The following RAB31 variants were observed in gnomAD, a reference collection of about 807,000 sequenced individuals.
RAB31 encodes ras-related protein Rab-31.
Under a neutral mutation model 25.6 loss-of-function variants are expected in RAB31, and 21 were observed. The ratio of observed to expected loss-of-function variants is 0.82; its 90% CI spans 0.58 to 1.18. RAB31 has a LOEUF of 1.18. Ranked by LOEUF, RAB31 falls within the 50% of genes most tolerant of loss-of-function variation. The pLI is 0.00. For synonymous variants in RAB31, 87 were observed against 84.0 expected (o/e 1.04, Z -0.20); for missense variants, 196 against 250.1 (o/e 0.78, Z 1.46).
intron 1 of RAB31, among the ~76,000 whole-genome samples, chr18:9,736,840 C>T (rs949220199): frequency 6.6e-6 from 1 of 152,136 alleles, no homozygotes; most frequent in African/African-American, 2.4e-5. Flanking sequence ...AAGCACAGTA[C>T]TCTTTTGTGG....
At chr18:9,730,750 G>A (rs912778231) in intron 1 of RAB31, among the ~76,000 whole-genome samples, 1 of 152,222 alleles carries the variant, frequency 6.6e-6, no homozygotes, top group African/African-American at 2.4e-5. Context: ...GGGACATTCT[G>A]TATTGTCAAT....
chr18:9,848,314 A>G (rs8084867), intron 6 of RAB31, among the ~76,000 whole-genome samples: 9,237 of 151,408 alleles, frequency 0.061, 576 homozygotes, highest in African/African-American at 0.16. Context: ...GTGTATATCC[A>G]TCTTTCTAGC....
At chr18:9,724,773 A>G (rs944286761) in intron 1 of RAB31, among the ~76,000 whole-genome samples, 1 of 152,216 alleles carries the variant, frequency 6.6e-6, no homozygotes, top group Non-Finnish European at 1.5e-5. Context: ...ATAGCCCCAT[A>G]ATCCTAAGCA....
intron 3 of RAB31, among the ~76,000 whole-genome samples, chr18:9,797,195 A>G (rs4798860): frequency 1 from 152,258 of 152,348 alleles, 76,084 homozygotes; most frequent in Middle Eastern, 1. Context: ...ATACGTGTGT[A>G]TTACTTGTAG....
At chr18:9,711,649 T>C (rs2068017857) in intron 1 of RAB31, among the ~76,000 whole-genome samples, 1 of 152,244 alleles carries the variant, frequency 6.6e-6, no homozygotes, top group Admixed American at 6.5e-5. Flanking sequence ...GAGGTCTGTC[T>C]TTTCTGGGTG....
intron 6 of RAB31, among the ~76,000 whole-genome samples, chr18:9,847,771 G>A (rs1194049576): frequency 2.6e-5 from 4 of 152,090 alleles, no homozygotes; most frequent in East Asian, 3.9e-4. Context: ...TCAAGGTCTC[G>A]CCATGTTGCC....
intron 3 of RAB31, among the ~76,000 whole-genome samples, chr18:9,803,293 TG>T (rs2068523376): frequency 6.6e-6 from 1 of 150,972 alleles, no homozygotes; most frequent in African/African-American, 2.5e-5. Flanking sequence ...TGGAATGCAG[TG>T]GTGCAATCAT....
chr18:9,833,040 C>T (rs2068686944), intron 5 of RAB31, among the ~76,000 whole-genome samples: 1 of 152,080 alleles, frequency 6.6e-6, no homozygotes, highest in Non-Finnish European at 1.5e-5. Context: ...CCAGAGACTT[C>T]GAAAGGTGCA....
At chr18:9,840,739 G>T (rs2068729290) in intron 5 of RAB31, among the ~76,000 whole-genome samples, 1 of 152,104 alleles carries the variant, frequency 6.6e-6, no homozygotes, top group African/African-American at 2.4e-5. Context: ...TTTCAGACTA[G>T]AGCTGCAAGT....
intron 1 of RAB31, among the ~76,000 whole-genome samples, chr18:9,732,268 C>T (rs561230111): frequency 6.6e-6 from 1 of 152,154 alleles, no homozygotes; most frequent in Non-Finnish European, 1.5e-5. Flanking sequence ...GGGCCGGTCA[C>T]CGGATGAGGC....
At chr18:9,859,135 C>T (rs2068834090) in intron 6 of RAB31, 93 bp from the exon 7 acceptor site, 2 of 448,798 alleles carry the variant, frequency 4.5e-6, no homozygotes, top group Non-Finnish European at 6.5e-6. Flanking sequence ...TGTGCACAGC[C>T]CAAAGCAGGA....
At chr18:9,812,897 A>G (rs2068581527) in intron 3 of RAB31, among the ~76,000 whole-genome samples, 1 of 151,902 alleles carries the variant, frequency 6.6e-6, no homozygotes, top group Admixed American at 6.6e-5. Flanking sequence ...GGGTTTCACC[A>G]TATTGGCCAG....
chr18:9,822,753 C>G (rs890033818), intron 5 of RAB31, among the ~76,000 whole-genome samples: 1 of 152,106 alleles, frequency 6.6e-6, no homozygotes, highest in Non-Finnish European at 1.5e-5. Context: ...TAAAAATCAG[C>G]GACAACACCT....
At chr18:9,718,684 A>G (rs533891803) in intron 1 of RAB31, among the ~76,000 whole-genome samples, 1 of 152,288 alleles carries the variant, frequency 6.6e-6, no homozygotes, top group African/African-American at 2.4e-5. Flanking sequence ...ACAGAAATGT[A>G]TTTCCTTCAG....
intron 3 of RAB31, among the ~76,000 whole-genome samples, chr18:9,804,276 G>C (rs1437334567): frequency 6.6e-6 from 1 of 152,308 alleles, no homozygotes; most frequent in East Asian, 1.9e-4. Flanking sequence ...GCTCTGGGAG[G>C]TACAGTGACT....
chr18:9,759,262 C>T (rs957994938), intron 1 of RAB31, among the ~76,000 whole-genome samples: 2 of 151,946 alleles, frequency 1.3e-5, no homozygotes, highest in Non-Finnish European at 2.9e-5. Flanking sequence ...CCTCAACCTC[C>T]TGGGCTCAAG....
At chr18:9,761,941 G>T (rs1486030921) in intron 1 of RAB31, among the ~76,000 whole-genome samples, 1 of 152,068 alleles carries the variant, frequency 6.6e-6, no homozygotes, top group Non-Finnish European at 1.5e-5. Flanking sequence ...CAAGTAGCTG[G>T]GATTACAGGT....
rs919944983 is a variant in RAB31, at chr18:9,718,373, C to T, written c.39+9929C>T. On this transcript the variant is annotated intron_variant, in intron 1 of 6. Coordinates refer to ENST00000578921, the MANE Select transcript of RAB31 (RefSeq NM_006868.4). Reference sequence around the variant, plus strand: ...CTCCTGGGTTCAAGCAGTTCTCTTGCGTCAGCCTCCCAAGTAGCTGGGATT... The same window carrying T: ...CTCCTGGGTTCAAGCAGTTCTCTTGTGTCAGCCTCCCAAGTAGCTGGGATT... 2.6e-5 allele frequency among the ~76,000 whole-genome samples: 4 copies of T among 152,158 alleles called. No homozygotes were observed. The East Asian group carries it at 7.7e-4, about 29-fold the overall frequency.
At chr18:9,751,625 A>G (rs2068235456) in intron 1 of RAB31, among the ~76,000 whole-genome samples, 1 of 152,178 alleles carries the variant, frequency 6.6e-6, no homozygotes, top group Non-Finnish European at 1.5e-5. Context: ...CTTTTGATGT[A>G]TTGCTCTCCA....
Sources: allele counts gnomAD v4.1 joint callset (sites outside exome capture counted in the v4.1 genomes callset), GRCh38; gene constraint gnomAD v4.1.1; transcripts MANE v1.5; gene names NCBI Gene and HGNC (gene_info 2026-07-23, HGNC 2026-07-21).